The following NSRP1 variants were observed in gnomAD, a reference collection of about 807,000 sequenced individuals.
NSRP1 encodes the protein nuclear speckle splicing regulatory protein 1, also known as coiled-coil domain containing 55.
NSRP1 carries 24 observed loss-of-function variants against 54.7 expected under a neutral mutation model. The ratio of observed to expected loss-of-function variants is 0.44; its 90% CI spans 0.32 to 0.62. The LOEUF is 0.62. Among genes scored for constraint, NSRP1 ranks in the 20% least tolerant of loss-of-function variants. NSRP1 has a pLI of 0.06. For synonymous variants in NSRP1, 210 were observed against 213.8 expected, an observed-to-expected ratio of 0.98 and a Z score of 0.15; for missense variants, 596 against 651.2, an observed-to-expected ratio of 0.92 and a Z score of 0.92.
At position 30,184,867 on chromosome 17, in the gene NSRP1, G is replaced by A. The variant is rs1905456703; in HGVS notation, c.870G>A (p.Arg290=). The A allele has an allele frequency of 1.2e-6, 2 of 1,613,978 alleles. No individual in the cohort carries two copies. Among genetic ancestry groups the A allele is most frequent in the African/African-American group, 1.3e-5 (1 of 74,894 alleles). The change falls in exon 7 of 7, where the codon CGG becomes CGA. Residue 290 remains arginine, a synonymous_variant. Transcript: ENST00000247026. The stretch of plus-strand genomic sequence containing the variant: ...ACCACAGGAGTCAAAACCACTCTCG[G>A]TCACCTAGTGAAGAAAGAGGGCACA... ...FKHHRSQNHS[R]SPSEERGHST...
At chr17:30,182,598 C>T (rs1317055316) in intron 6 of NSRP1, among the ~76,000 whole-genome samples, 6 of 151,914 alleles carry the variant, frequency 3.9e-5, no homozygotes, top group South Asian at 2.1e-4. Flanking sequence ...GCTGAGATAG[C>T]GCCACTGCAC....
intron 2 of NSRP1, among the ~76,000 whole-genome samples, chr17:30,129,060 AT>A (rs879595404): frequency 0.022 from 3,227 of 146,400 alleles, 80 homozygotes; most frequent in African/African-American, 0.071. Flanking sequence ...GCCTGGCATG[AT>A]TTTTTTTTTT....
At chr17:30,131,209 A>G (rs773487633) in intron 2 of NSRP1, among the ~76,000 whole-genome samples, 1 of 152,152 alleles carries the variant, frequency 6.6e-6, no homozygotes, top group Non-Finnish European at 1.5e-5. Flanking sequence ...TTTCTAATTT[A>G]TTAGCTCTAT....
chr17:30,122,749 C>T (rs2071615700), intron 2 of NSRP1: 1 of 151,604 alleles, frequency 6.6e-6, no homozygotes, highest in African/African-American at 2.4e-5. Flanking sequence ...AAAATGGCTG[C>T]ACCATTTTGC....
At chr17:30,182,775 A>C (rs1426432862) in intron 6 of NSRP1, among the ~76,000 whole-genome samples, 1 of 151,978 alleles carries the variant, frequency 6.6e-6, no homozygotes, top group African/African-American at 2.4e-5. Context: ...TCTACTAAAA[A>C]TACAAAAAAT....
rs746193896 is a variant in NSRP1, at chr17:30,185,143, A to G, written c.1146A>G (p.Lys382=). Residue 382 remains lysine (K), a synonymous_variant, in exon 7 of 7, where the codon AAA becomes AAG. Transcript: ENST00000247026. The part of the protein sequence containing the change: ...ERSDRVWKRE[K]DREKYSQREQ... ...GTGACAGAGTATGGAAAAGGGAGAA[A>G]GATAGGGAGAAATATTCCCAAAGAG... The G allele has an allele frequency of 7.5e-6, 12 of 1,598,948 alleles. No homozygotes were observed. The highest frequency in any genetic ancestry group is 3.5e-5 in the Admixed American group (2 of 56,830).
chr17:30,134,382 A>G (rs780262172), intron 2 of NSRP1, among the ~76,000 whole-genome samples: 4 of 152,234 alleles, frequency 2.6e-5, no homozygotes, highest in Non-Finnish European at 5.9e-5. Context: ...GCTGTTGGAA[A>G]AATGGCACTG....
chr17:30,148,554 T>G (rs748732122), intron 2 of NSRP1, among the ~76,000 whole-genome samples: 36 of 152,148 alleles, frequency 2.4e-4, no homozygotes, highest in Non-Finnish European at 5.1e-4. Context: ...TGGTTCAGAG[T>G]CTTTATTGTA....
At chr17:30,166,752 A>T (rs1362090567) in intron 2 of NSRP1, among the ~76,000 whole-genome samples, 1 of 152,020 alleles carries the variant, frequency 6.6e-6, no homozygotes, top group Non-Finnish European at 1.5e-5. Context: ...GCAGAACCCC[A>T]TCTCTACTAA....
chr17:30,183,971 G>T (rs1011028253), intron 6 of NSRP1, among the ~76,000 whole-genome samples: 2 of 152,230 alleles, frequency 1.3e-5, no homozygotes, highest in African/African-American at 2.4e-5. Context: ...GGAGGCCAGG[G>T]TGGTTGGATC....
Position 30,185,810 on chromosome 17 carries a change from A to G in NSRP1, c.*136A>G. On this transcript the variant is annotated 3_prime_UTR_variant, in exon 7 of 7. Transcript: ENST00000247026. ...AATTTATTTTCAAAATTTTAAGTTAAAAGTCAGTCTTACAGCTTGGATGTT... is the reference window on the plus strand; with the variant it reads ...AATTTATTTTCAAAATTTTAAGTTAGAAGTCAGTCTTACAGCTTGGATGTT... 1 of 985,766 alleles carries G rather than the reference A, an allele frequency of 1.0e-6. No homozygotes were observed. Among genetic ancestry groups the G allele is most frequent in the Non-Finnish European group, 1.5e-6 (1 of 688,798 alleles). 61.1% of individuals were successfully genotyped at this position (985,766 alleles called of 1,614,324 possible).
intron 2 of NSRP1, among the ~76,000 whole-genome samples, chr17:30,155,698 A>G (rs2071955407): frequency 1.3e-5 from 2 of 151,884 alleles, no homozygotes; most frequent in South Asian, 4.2e-4. Flanking sequence ...GACGTACACC[A>G]TCGTGTGGCT....
At chr17:30,173,994 T>A (rs2143008812) in intron 3 of NSRP1, among the ~76,000 whole-genome samples, 1 of 152,330 alleles carries the variant, frequency 6.6e-6, no homozygotes, top group Non-Finnish European at 1.5e-5. Flanking sequence ...CAGTGATTAT[T>A]TAACATAAAT....
chr17:30,165,920 T>A lies in NSRP1; in HGVS notation c.115-6622T>A, dbSNP rs1904714990. ...ACTTCAAATAAATACCAACCTTACA[T>A]TTTATTAAGCACACTGATAAATATA... On this transcript the variant is annotated intron_variant, in intron 2 of 6. Coordinates refer to ENST00000247026, the MANE Select transcript of NSRP1 (RefSeq NM_032141.4). Among the ~76,000 whole-genome samples the A allele has an allele frequency of 2.0e-5, 3 of 152,306 alleles. No individual in the cohort carries two copies. In the South Asian group the frequency reaches 6.2e-4, roughly 32 times the overall value.
chr17:30,117,943 C>T (rs1418461244), intron 1 of NSRP1, 137 bp from the exon 2 acceptor site: 1 of 638,126 alleles, frequency 1.6e-6, no homozygotes, highest in African/African-American at 1.8e-5. Flanking sequence ...CACTGAGAAG[C>T]AAAAACAGTC....
At chr17:30,129,728 A>G (rs1303972354) in intron 2 of NSRP1, among the ~76,000 whole-genome samples, 1 of 152,172 alleles carries the variant, frequency 6.6e-6, no homozygotes, top group Non-Finnish European at 1.5e-5. Flanking sequence ...CATCAGTTTT[A>G]ATCAGATAAT....
At chr17:30,169,166 T>C (rs563330937) in intron 2 of NSRP1, among the ~76,000 whole-genome samples, 1 of 152,204 alleles carries the variant, frequency 6.6e-6, no homozygotes, top group Admixed American at 6.5e-5. Context: ...AGTCTGCTTA[T>C]TCTATATTTT....
intron 2 of NSRP1, among the ~76,000 whole-genome samples, chr17:30,119,722 C>T (rs756828628): frequency 6.6e-6 from 1 of 152,070 alleles, no homozygotes; most frequent in Admixed American, 6.5e-5. Flanking sequence ...AGGCTGGTCT[C>T]GAACTCCTGA....
chr17:30,128,704 T>C (rs1222611610), intron 2 of NSRP1, among the ~76,000 whole-genome samples: 1 of 152,138 alleles, frequency 6.6e-6, no homozygotes, highest in African/African-American at 2.4e-5. Flanking sequence ...TTGGGTCTCT[T>C]TATGATCGTA....
Sources: allele counts gnomAD v4.1 joint callset (sites outside exome capture counted in the v4.1 genomes callset), GRCh38; gene constraint gnomAD v4.1.1; transcripts MANE v1.5; gene names NCBI Gene and HGNC (gene_info 2026-07-23, HGNC 2026-07-21).